ILDR2: variants seen among roughly 807,000 people sequenced by gnomAD.
ILDR2 encodes immunoglobulin like domain containing receptor 2, also known as immunoglobulin-like domain-containing receptor 2.
A neutral mutation model predicts 66.8 loss-of-function variants in ILDR2; 25 were observed. That is an observed-to-expected ratio of 0.37 (90% CI 0.27 to 0.52). ILDR2 has a LOEUF of 0.52. Ranked by LOEUF, ILDR2 falls within the 20% of genes least tolerant of loss-of-function variation. The probability of loss-of-function intolerance (pLI) is 0.88; values close to 1 mark genes in which losing one functional copy is unlikely to be tolerated. For synonymous variants in ILDR2, 367 were observed against 357.2 expected (o/e 1.03, Z -0.31); for missense variants, 827 against 876.8 (o/e 0.94, Z 0.72).
At position 166,909,781 on chromosome 1, in the gene ILDR2, TTATATATATATATA is replaced by T. The variant is rs59835931; in HGVS notation, c.*9560_*9573del. ...TATAAATATATATAAATATATATATTTATATATATATATATATATATATATCCTTCTAGCTTTGC... is the reference window on the plus strand; with the variant it reads ...TATAAATATATATAAATATATATATTTATATATATATCCTTCTAGCTTTGC... On this transcript the variant is annotated 3_prime_UTR_variant, in exon 10 of 10. Transcript: ENST00000271417. 1.6e-5 allele frequency: 1 copy of T among 64,246 alleles called. No individual in the cohort carries two copies. 4.0% of individuals were successfully genotyped at this position (64,246 alleles called of 1,614,324 possible). A position where few individuals can be genotyped will look rare whatever the true frequency, so the allele number is the denominator to read the frequency against.
intron 1 of ILDR2, among the ~76,000 whole-genome samples, chr1:166,965,310 A>G (rs185813487): frequency 6.6e-6 from 1 of 152,282 alleles, no homozygotes; most frequent in East Asian, 1.9e-4. Flanking sequence ...CAGAAAATTC[A>G]TTTATGTTTC....
At chr1:166,967,024 T>C (rs1444770989) in intron 1 of ILDR2, among the ~76,000 whole-genome samples, 2 of 152,246 alleles carry the variant, frequency 1.3e-5, no homozygotes, top group African/African-American at 4.8e-5. Context: ...ACCATCTCCT[T>C]CTTCCTTTCA....
rs924092323 is a variant in ILDR2 at position 166,917,402 on chromosome 1, A to G, written c.*1953T>C. On this transcript the variant is annotated 3_prime_UTR_variant, in exon 10 of 10. Coordinates refer to ENST00000271417, the MANE Select transcript of ILDR2 (RefSeq NM_199351.3). ...ATACTAGAGGAATGGTACTTTGAGA[A>G]TAGGGTCTAGCCCCAGTAGGGTGGC... 1 of 152,260 alleles carries G rather than the reference A, an allele frequency of 6.6e-6. No homozygotes were observed. Among genetic ancestry groups the G allele is most frequent in the African/African-American group, 2.4e-5 (1 of 41,468 alleles). The allele number at this position is 152,260 out of a possible 1,614,324, so 9.4% of individuals were successfully genotyped here. A position where few individuals can be genotyped will look rare whatever the true frequency, so the allele number is the denominator to read the frequency against.
At chr1:166,956,593 T>G in intron 3 of ILDR2, 140 bp downstream of exon 3, 1 of 843,452 alleles carries the variant, frequency 1.2e-6, no homozygotes, top group Non-Finnish European at 1.8e-6. Context: ...AAGAGCATAT[T>G]CTAAAAGGGA....
chr1:166,954,795 T>C (rs1187386475), intron 3 of ILDR2, among the ~76,000 whole-genome samples: 1 of 152,230 alleles, frequency 6.6e-6, no homozygotes, highest in Non-Finnish European at 1.5e-5. Context: ...CCCAAGTTGC[T>C]TTGCATGTTT....
intron 2 of ILDR2, among the ~76,000 whole-genome samples, chr1:166,896,282 G>T (rs1018973841): frequency 6.6e-6 from 1 of 152,162 alleles, no homozygotes; most frequent in African/African-American, 2.4e-5. Context: ...AAGAGCAGAT[G>T]GTTTGGTGTG....
intron 1 of ILDR2, among the ~76,000 whole-genome samples, chr1:166,962,935 A>C (rs1421669664): frequency 6.6e-6 from 1 of 152,168 alleles, no homozygotes; most frequent in Non-Finnish European, 1.5e-5. Context: ...GTTATGTCTC[A>C]CACCCCCAAC....
At chr1:166,924,570 C>T (rs983416549) in intron 7 of ILDR2, among the ~76,000 whole-genome samples, 3 of 152,134 alleles carry the variant, frequency 2.0e-5, no homozygotes, top group Non-Finnish European at 4.4e-5. Context: ...AAGCAAACTT[C>T]GTTTTGTAAA....
chr1:166,958,560 G>A (rs1200407360), intron 1 of ILDR2, among the ~76,000 whole-genome samples: 1 of 152,094 alleles, frequency 6.6e-6, no homozygotes, highest in South Asian at 2.1e-4. Flanking sequence ...TAAACCTGTG[G>A]AACTGTGAGT....
intron 1 of ILDR2, among the ~76,000 whole-genome samples, chr1:166,963,759 A>G (rs1027733277): frequency 2.0e-5 from 3 of 152,188 alleles, no homozygotes; most frequent in Non-Finnish European, 4.4e-5. Flanking sequence ...CCCTTTGACT[A>G]TAAGTATGTT....
rs149131464 is a variant in ILDR2, at chr1:166,940,215, T to C, written c.500-645A>G. Among the ~76,000 whole-genome samples the C allele has an allele frequency of 5.9e-4, 90 of 152,324 alleles. No homozygotes were observed. In the East Asian group the frequency reaches 0.015, roughly 25 times the overall value. ...TGGCATTATATGGACCCAAGTGCCT[T>C]CTGCGTAATATGGCAAAGAAACTTA... is the stretch of plus-strand genomic sequence containing the variant. On this transcript the variant is annotated intron_variant, in intron 3 of 9. Transcript: ENST00000271417.
Position 166,903,099 on chromosome 1 carries a change from C to T in ILDR2, n.171+3954G>A, listed in dbSNP as rs189176992. Among the ~76,000 whole-genome samples, 86 of 152,364 alleles carry T rather than the reference C, an allele frequency of 5.6e-4. No homozygotes were observed. The South Asian group carries it at 0.018, about 31-fold the overall frequency. ...CACTCTCGTCTTCCTGTAATCTGTT[C>T]TCCATACAGAAGTCAGAATGGTCTT... On this transcript the variant is annotated intron_variant and non_coding_transcript_variant, in intron 2 of 2. Coordinates refer to the ILDR2 transcript ENST00000414590.
At chr1:166,928,684 T>C (rs1660453726) in intron 6 of ILDR2, among the ~76,000 whole-genome samples, 1 of 152,116 alleles carries the variant, frequency 6.6e-6, no homozygotes, top group Non-Finnish European at 1.5e-5. Flanking sequence ...ACATGGAAGA[T>C]TAAAATATAA....
chr1:166,932,808 A>C (rs138352991), intron 6 of ILDR2, among the ~76,000 whole-genome samples: 1 of 152,370 alleles, frequency 6.6e-6, no homozygotes, highest in African/African-American at 2.4e-5. Context: ...TACTGTTGTG[A>C]AATAATTACC....
intron 3 of ILDR2, among the ~76,000 whole-genome samples, chr1:166,943,491 CAAAAAAAAAAA>C (rs11366097): frequency 6.7e-5 from 5 of 74,480 alleles, no homozygotes; most frequent in East Asian, 8.6e-4. Flanking sequence ...GACTCCGTCT[CAAAAAAAAAAA>C]AAAAAAAAAA....
In ILDR2 at chr1:166,919,393, AG is replaced by A; in HGVS notation, c.1885-4del. ...GACATCCTGGTTGGAAAGTCATTCT[AG>A]GAAAGAGCAGAAAGAGCCCAACATT... is the stretch of plus-strand genomic sequence containing the variant. On this transcript the variant is annotated splice_region_variant and splice_polypyrimidine_tract_variant and intron_variant, in intron 9 of 9. Transcript: ENST00000271417. 1 of 1,607,188 alleles carries A rather than the reference AG, an allele frequency of 6.2e-7. No homozygotes were observed. The highest frequency in any genetic ancestry group is 8.5e-7 in the Non-Finnish European group (1 of 1,174,850).
intron 6 of ILDR2, among the ~76,000 whole-genome samples, chr1:166,928,830 GA>G (rs1049870109): frequency 2.6e-5 from 4 of 152,096 alleles, no homozygotes; most frequent in Admixed American, 6.5e-5. Context: ...GAATTACTTA[GA>G]AAAAAAATTA....
At chr1:166,954,480 G>A (rs1173225780) in intron 3 of ILDR2, among the ~76,000 whole-genome samples, 2 of 152,048 alleles carry the variant, frequency 1.3e-5, no homozygotes, top group Non-Finnish European at 2.9e-5. Context: ...AGCTAGTGTT[G>A]CCCTAAAAAG....
intron 3 of ILDR2, among the ~76,000 whole-genome samples, chr1:166,942,748 C>A (rs557217748): frequency 6.6e-6 from 1 of 152,282 alleles, no homozygotes; most frequent in Non-Finnish European, 1.5e-5. Flanking sequence ...GATCTAGTCA[C>A]CTATGTTCAA....
Sources: gnomAD v4.1 joint callset for allele counts (sites outside exome capture counted in the v4.1 genomes callset) on GRCh38, gnomAD v4.1.1 for gene constraint, MANE v1.5 for transcripts, NCBI Gene and HGNC (gene_info 2026-07-23, HGNC 2026-07-21) for gene names.